The following EYS variants were observed in gnomAD, a reference collection of about 807,000 sequenced individuals.
EYS encodes EGF-like photoreceptor maintenance factor.
EYS carries 250 observed loss-of-function variants against 282.1 expected under a neutral mutation model. The observed-to-expected ratio is 0.89, with a 90% CI of 0.80 to 0.98. The LOEUF (loss-of-function observed/expected upper bound fraction) is 0.98, where lower values mean the gene tolerates loss of function less well. Ranked by LOEUF, EYS falls within the 50% of genes least tolerant of loss-of-function variation. The pLI is 0.00. For missense variants in EYS, 4,016 were observed against 3,709.0 expected, an observed-to-expected ratio of 1.08 and a Z score of -2.15; for synonymous variants, 1,355 against 1,282.9, an observed-to-expected ratio of 1.06 and a Z score of -1.20.
At chr6:65,599,894 A>G (rs931747034) in intron 2 of EYS, among the ~76,000 whole-genome samples, 2 of 152,036 alleles carry the variant, frequency 1.3e-5, no homozygotes, top group Admixed American at 6.6e-5. Context: ...TCAGATTTCT[A>G]CGGTTTCCAA....
At chr6:65,037,052 A>T (rs1772793450) in intron 13 of EYS, among the ~76,000 whole-genome samples, 1 of 151,992 alleles carries the variant, frequency 6.6e-6, no homozygotes, top group African/African-American at 2.4e-5. Flanking sequence ...AAGTCATGGA[A>T]TCTATCTAAA....
At chr6:65,235,770 A>ACTTTG (rs1766906950) in intron 12 of EYS, among the ~76,000 whole-genome samples, 1 of 152,168 alleles carries the variant, frequency 6.6e-6, no homozygotes, top group African/African-American at 2.4e-5. Context: ...AAAGCAAAAT[A>ACTTTG]TATACATTGT....
intron 26 of EYS, among the ~76,000 whole-genome samples, chr6:64,506,775 G>A (rs371494864): frequency 6.6e-6 from 1 of 151,912 alleles, no homozygotes; most frequent in Non-Finnish European, 1.5e-5. Context: ...CGGCTGTGGT[G>A]GCAAGCGGCT....
intron 36 of EYS, among the ~76,000 whole-genome samples, chr6:63,831,928 A>C (rs1436988428): frequency 1.3e-5 from 2 of 152,216 alleles, no homozygotes; most frequent in Non-Finnish European, 2.9e-5. Context: ...AAAACGGCTC[A>C]ACTACATGGA....
chr6:65,273,054 G>A (rs570442844), intron 12 of EYS, among the ~76,000 whole-genome samples: 42 of 152,180 alleles, frequency 2.8e-4, no homozygotes, highest in Admixed American at 2.7e-3. Context: ...ATGGCTAATT[G>A]AATAATATGT....
At chr6:64,648,449 A>T (rs1768433984) in intron 22 of EYS, among the ~76,000 whole-genome samples, 1 of 152,242 alleles carries the variant, frequency 6.6e-6, no homozygotes, top group African/African-American at 2.4e-5. Context: ...AGAGAGTGTC[A>T]TAGACATAAC....
chr6:65,075,620 T>A (rs557490528), intron 12 of EYS, among the ~76,000 whole-genome samples: 3 of 151,984 alleles, frequency 2.0e-5, no homozygotes, highest in African/African-American at 7.2e-5. Context: ...TAGTATTGTA[T>A]CAGTCTTTTA....
At chr6:65,052,200 T>C (rs1336058943) in intron 13 of EYS, among the ~76,000 whole-genome samples, 1 of 151,484 alleles carries the variant, frequency 6.6e-6, no homozygotes, top group Non-Finnish European at 1.5e-5. Flanking sequence ...CCAACCCCAT[T>C]TAGTTCTGGG....
chr6:64,227,482 G>A (rs542725690), intron 31 of EYS, among the ~76,000 whole-genome samples: 50 of 152,090 alleles, frequency 3.3e-4, no homozygotes, highest in African/African-American at 1.2e-3. Context: ...GGTTAAATGT[G>A]AAATCTGGAT....
At chr6:64,627,285 T>C (rs1419651724) in intron 22 of EYS, among the ~76,000 whole-genome samples, 2 of 152,190 alleles carry the variant, frequency 1.3e-5, no homozygotes, top group African/African-American at 4.8e-5. Flanking sequence ...AATCAGCATA[T>C]AGATAAATGT....
At chr6:64,159,559 TA>T (rs35139594) in intron 31 of EYS, among the ~76,000 whole-genome samples, 28,632 of 59,764 alleles carry the variant, frequency 0.48, 5,668 homozygotes, top group Admixed American at 0.53. Context: ...GACTCTGTCT[TA>T]AAAAAAAAAA....
Position 64,010,404 on chromosome 6 carries a change from G to A in EYS, c.6726-11221C>T, listed in dbSNP as rs149137842. Among the ~76,000 whole-genome samples the A allele has an allele frequency of 5.3e-3, 753 of 140,846 alleles. 6 individuals are homozygous for A. Among genetic ancestry groups the A allele is most frequent in the Middle Eastern group, 0.014 (4 of 286 alleles). The allele number at this position is 140,846 out of a possible 152,430, so 92.4% of individuals were successfully genotyped here. A position where few individuals can be genotyped will look rare whatever the true frequency, so the allele number is the denominator to read the frequency against. On this transcript the variant is annotated intron_variant, in intron 33 of 42. Transcript: ENST00000503581. ...TGTGTGTGTTTGGTTGGGGGGGGGG[G>A]TGGTGGTGTGGAGAGAAGGGGGACA...
chr6:64,910,339 T>A (rs939407529), intron 16 of EYS, among the ~76,000 whole-genome samples: 2 of 152,114 alleles, frequency 1.3e-5, no homozygotes, highest in African/African-American at 4.8e-5. Flanking sequence ...ACTTTTGAAT[T>A]TTCTGAGGTG....
intron 22 of EYS, among the ~76,000 whole-genome samples, chr6:64,658,832 G>A (rs1313358251): frequency 6.6e-6 from 1 of 152,192 alleles, no homozygotes; most frequent in Non-Finnish European, 1.5e-5. Flanking sequence ...AGATCAACGA[G>A]ACAGAAAGGT....
rs11358904 is a variant in EYS, at chr6:64,016,489, A to ATTT, written c.6726-17309_6726-17307dup. 2.2e-5 allele frequency among the ~76,000 whole-genome samples: 3 copies of ATTT among 138,378 alleles called. No individual in the cohort carries two copies. In the South Asian group the frequency reaches 6.9e-4, roughly 32 times the overall value. 90.8% of individuals were successfully genotyped at this position (138,378 alleles called of 152,430 possible). ...TTGGCTGCTGTGTCATACCTTTTTG[A>ATTT]TTTTTTTTTTTTTTTTTTGAGACAG... is the stretch of plus-strand genomic sequence containing the variant. On this transcript the variant is annotated intron_variant, in intron 33 of 42. Coordinates refer to ENST00000503581, the MANE Select transcript of EYS (RefSeq NM_001142800.2).
At chr6:64,671,213 T>C (rs1361528377) in intron 22 of EYS, among the ~76,000 whole-genome samples, 1 of 152,154 alleles carries the variant, frequency 6.6e-6, no homozygotes, top group Non-Finnish European at 1.5e-5. Flanking sequence ...CCAAAATTCA[T>C]ACATTGAAAC....
chr6:64,954,593 T>C (rs1032361637), intron 14 of EYS, among the ~76,000 whole-genome samples: 1 of 152,070 alleles, frequency 6.6e-6, no homozygotes, highest in African/African-American at 2.4e-5. Context: ...GAGAGCCAAA[T>C]GACAATAATA....
chr6:64,279,400 A>T (rs1190628330), intron 30 of EYS, among the ~76,000 whole-genome samples: 1 of 151,556 alleles, frequency 6.6e-6, no homozygotes, highest in African/African-American at 2.4e-5. Flanking sequence ...TGTAACAGAA[A>T]ATTTATAGTC....
chr6:64,437,647 A>T (rs568494248), intron 27 of EYS, among the ~76,000 whole-genome samples: 1 of 151,796 alleles, frequency 6.6e-6, no homozygotes, highest in South Asian at 2.1e-4. Context: ...TTGTGAAGTA[A>T]ATATTATAAA....
Sources: gnomAD v4.1 joint callset for allele counts (sites outside exome capture counted in the v4.1 genomes callset) on GRCh38, gnomAD v4.1.1 for gene constraint, MANE v1.5 for transcripts, NCBI Gene and HGNC (gene_info 2026-07-23, HGNC 2026-07-21) for gene names.